Variants in SPP2 observed in about 807,000 individuals in gnomAD.
The protein encoded by SPP2 is secreted phosphoprotein 24.
In SPP2, 34 loss-of-function variants were observed where a neutral mutation model predicts 28.8. The ratio of observed to expected loss-of-function variants is 1.18; its 90% CI spans 0.90 to 1.57. The LOEUF (loss-of-function observed/expected upper bound fraction) is 1.57. Ranked by LOEUF, SPP2 falls within the 40% of genes most tolerant of loss-of-function variation. SPP2 has a pLI of 0.00. For synonymous variants in SPP2, 96 were observed against 89.4 expected (o/e 1.07, Z -0.42); for missense variants, 269 against 263.9 (o/e 1.02, Z -0.13).
chr2:234,072,868 T>A (rs1690823641), intron 7 of SPP2, among the ~76,000 whole-genome samples: 1 of 152,214 alleles, frequency 6.6e-6, no homozygotes, highest in South Asian at 2.1e-4. Flanking sequence ...TTTTGCTTTT[T>A]CTTGTCCATA....
In SPP2 at chr2:234,058,933, G is replaced by A. The variant is rs1693663493; in HGVS notation, c.308G>A (p.Cys103Tyr). ...GATTCTGGAGAAGATCCCGCTACATGTGCCTTCCAGAGGGACTACTATGTG... is the reference window on the plus strand; with the variant it reads ...GATTCTGGAGAAGATCCCGCTACATATGCCTTCCAGAGGGACTACTATGTG... The part of the protein sequence containing the change: ...RKDSGEDPAT[C>Y]AFQRDYYVST... The change falls in exon 3 of 8, where the codon TGT (cysteine) becomes TAT (tyrosine). Residue 103 changes from cysteine (C) to tyrosine (Y), a missense_variant. By Grantham distance (194) the Cys-to-Tyr change is radical (BLOSUM62 -2). Coordinates refer to ENST00000168148, the MANE Select transcript of SPP2 (RefSeq NM_006944.3). 2.5e-6 allele frequency: 4 copies of A among 1,613,944 alleles called. No individual in the cohort carries two copies. The Admixed American group carries it at 5.0e-5, about 20-fold the overall frequency.
chr2:234,064,286 C>G (rs1266312569), intron 4 of SPP2, among the ~76,000 whole-genome samples: 2 of 151,918 alleles, frequency 1.3e-5, no homozygotes, highest in Non-Finnish European at 2.9e-5. Context: ...TTCTGCACTC[C>G]ACGTCCACCC....
intron 6 of SPP2, among the ~76,000 whole-genome samples, chr2:234,067,650 G>C (rs895125027): frequency 2.0e-5 from 3 of 151,854 alleles, no homozygotes; most frequent in South Asian, 2.1e-4. Context: ...AGTGGTGGGC[G>C]CCTGTAGTCC....
intron 2 of SPP2, among the ~76,000 whole-genome samples, chr2:234,055,705 G>A (rs1288639103): frequency 1.3e-5 from 2 of 152,072 alleles, no homozygotes; most frequent in African/African-American, 4.8e-5. Flanking sequence ...ATAAACCCAT[G>A]AGAGGATATC....
At chr2:234,051,601 C>T (rs1693499529) in intron 2 of SPP2, among the ~76,000 whole-genome samples, 1 of 152,094 alleles carries the variant, frequency 6.6e-6, no homozygotes, top group South Asian at 2.1e-4. Context: ...CTGTGATATG[C>T]AAGGAAAGAA....
At chr2:234,063,102 T>C (rs1231467616) in intron 4 of SPP2, among the ~76,000 whole-genome samples, 1 of 152,108 alleles carries the variant, frequency 6.6e-6, no homozygotes, top group Non-Finnish European at 1.5e-5. Flanking sequence ...AACTCTGAAA[T>C]GAATTTCTTG....
chr2:234,073,514 A>T (rs1289879591), intron 7 of SPP2, among the ~76,000 whole-genome samples: 1 of 152,210 alleles, frequency 6.6e-6, no homozygotes, highest in Admixed American at 6.5e-5. Context: ...GTTGCCAGAA[A>T]ATGATTTAAT....
chr2:234,075,752 A>C (rs990976123), intron 7 of SPP2, among the ~76,000 whole-genome samples: 3 of 152,028 alleles, frequency 2.0e-5, no homozygotes, highest in African/African-American at 4.8e-5. Flanking sequence ...CTGTCCCTCC[A>C]GCCTGGACTC....
chr2:234,062,696 A>G (rs1693744293), intron 4 of SPP2, among the ~76,000 whole-genome samples: 1 of 152,340 alleles, frequency 6.6e-6, no homozygotes, highest in Middle Eastern at 3.4e-3. Context: ...AGGGCTTAGT[A>G]GTGAATGTTG....
chr2:234,066,487 T>C (rs1186608648), intron 4 of SPP2, 46 bp from the exon 5 acceptor site: 2 of 1,525,576 alleles, frequency 1.3e-6, no homozygotes, highest in Non-Finnish European at 9.1e-7. Context: ...CTTTCCTTTT[T>C]CTTTCTTTCA....
chr2:234,059,343 G>A (rs1693671049), intron 3 of SPP2, among the ~76,000 whole-genome samples: 1 of 152,132 alleles, frequency 6.6e-6, no homozygotes, highest in Non-Finnish European at 1.5e-5. Flanking sequence ...GCCATTGACC[G>A]TTGAATGACA....
At chr2:234,066,120 AC>A (rs1693813495) in intron 4 of SPP2, among the ~76,000 whole-genome samples, 1 of 152,170 alleles carries the variant, frequency 6.6e-6, no homozygotes, top group Admixed American at 6.5e-5. Context: ...GATTGCATGG[AC>A]TTTTAGTGGT....
chr2:234,062,525 A>G (rs1371970434), intron 4 of SPP2, among the ~76,000 whole-genome samples: 1 of 152,080 alleles, frequency 6.6e-6, no homozygotes, highest in Non-Finnish European at 1.5e-5. Flanking sequence ...GCCTGGCTCT[A>G]TCCTAAAGAC....
intron 2 of SPP2, among the ~76,000 whole-genome samples, chr2:234,058,083 C>A (rs945287142): frequency 6.6e-6 from 1 of 152,176 alleles, no homozygotes; most frequent in African/African-American, 2.4e-5. Context: ...TGAGTTCCTG[C>A]TTAAAGATGC....
intron 4 of SPP2, among the ~76,000 whole-genome samples, chr2:234,063,484 AT>A (rs1693759223): frequency 6.6e-6 from 1 of 152,208 alleles, no homozygotes; most frequent in African/African-American, 2.4e-5. Context: ...CCATGACATA[AT>A]TTTTTAAAGT....
intron 6 of SPP2, among the ~76,000 whole-genome samples, chr2:234,069,706 G>C (rs1483687375): frequency 6.6e-6 from 1 of 152,112 alleles, no homozygotes; most frequent in African/African-American, 2.4e-5. Flanking sequence ...ATAAGGAGTG[G>C]GGAGAAATGA....
chr2:234,071,546 T>C (rs991789811), intron 7 of SPP2, among the ~76,000 whole-genome samples: 1 of 152,216 alleles, frequency 6.6e-6, no homozygotes, highest in Admixed American at 6.5e-5. Flanking sequence ...CAAGATGGAA[T>C]TATAGATGTC....
chr2:234,070,442 A>G (rs554990850), intron 7 of SPP2, among the ~76,000 whole-genome samples: 14 of 152,058 alleles, frequency 9.2e-5, no homozygotes, highest in Middle Eastern at 3.4e-3. Flanking sequence ...CCTTTTCTGG[A>G]TGTGTACTTT....
intron 6 of SPP2, among the ~76,000 whole-genome samples, chr2:234,068,112 C>T (rs185626645): frequency 3.3e-5 from 5 of 152,276 alleles, no homozygotes; most frequent in South Asian, 4.1e-4. Context: ...TCAGTTTTCT[C>T]ATTTGGTCCT....
Sources: allele counts gnomAD v4.1 joint callset (sites outside exome capture counted in the v4.1 genomes callset), GRCh38; gene constraint gnomAD v4.1.1; transcripts MANE v1.5; gene names NCBI Gene and HGNC (gene_info 2026-07-23, HGNC 2026-07-21).